Variants in ZC3H12C observed in about 807,000 individuals in gnomAD.
ZC3H12C encodes probable ribonuclease ZC3H12C.
ZC3H12C carries 20 observed loss-of-function variants against 76.3 expected under a neutral mutation model. The ratio of observed to expected loss-of-function variants is 0.26; its 90% confidence interval spans 0.18 to 0.38. ZC3H12C has a LOEUF of 0.38. Ranked by LOEUF, ZC3H12C falls within the 10% of genes least tolerant of loss-of-function variation. The pLI, the probability that ZC3H12C is intolerant of heterozygous loss-of-function variation, is 1.00. For missense variants in ZC3H12C, 874 were observed against 1,086.5 expected (o/e 0.80, Z 2.75); for synonymous variants, 352 against 399.6 (o/e 0.88, Z 1.42).
In ZC3H12C at chr11:110,165,079, T is replaced by G. The variant is rs774963504; in HGVS notation, c.1994T>G (p.Met665Arg). The change falls in exon 6 of 6, where the codon ATG becomes AGG. Residue 665 changes from methionine to arginine, a missense_variant. By Grantham distance (91) the Met-to-Arg change is moderately conservative. Coordinates refer to ENST00000278590, the MANE Select transcript of ZC3H12C (RefSeq NM_033390.2). ...QLEENLKCQH[M>R]HPHSRLNPQP... is the part of the protein sequence containing the mutation. ...GAGGAGAATTTGAAGTGTCAACACA[T>G]GCACCCTCACAGCCGCCTTAATCCT... 1.9e-6 allele frequency: 3 copies of G among 1,613,614 alleles called. No individual in the cohort carries two copies. The highest frequency in any genetic ancestry group is 1.1e-5 in the South Asian group (1 of 91,080).
intron 1 of ZC3H12C, among the ~76,000 whole-genome samples, chr11:110,102,813 G>A (rs1317670682): frequency 6.6e-6 from 1 of 152,274 alleles, no homozygotes; most frequent in East Asian, 1.9e-4. Context: ...ACCCTGATAA[G>A]TCAGCAGCCA....
chr11:110,162,586 T>C (rs1191054687), intron 4 of ZC3H12C, among the ~76,000 whole-genome samples: 1 of 152,236 alleles, frequency 6.6e-6, no homozygotes, highest in Admixed American at 6.5e-5. Context: ...CCATCCAAAA[T>C]AGTAGGTTTA....
At chr11:110,158,365 C>A (rs1233800280) in intron 3 of ZC3H12C, among the ~76,000 whole-genome samples, 1 of 152,042 alleles carries the variant, frequency 6.6e-6, no homozygotes, top group Non-Finnish European at 1.5e-5. Context: ...CAAAAATTAG[C>A]CAGGCGTGGT....
intron 4 of ZC3H12C, among the ~76,000 whole-genome samples, chr11:110,160,938 G>A (rs562662384): frequency 6.6e-6 from 1 of 151,996 alleles, no homozygotes; most frequent in East Asian, 1.9e-4. Context: ...CCAGGTTCAA[G>A]CAATTCTCAT....
intron 2 of ZC3H12C, among the ~76,000 whole-genome samples, chr11:110,139,964 T>G (rs558665543): frequency 6.6e-6 from 1 of 151,884 alleles, no homozygotes; most frequent in Non-Finnish European, 1.5e-5. Flanking sequence ...CAATGCTTTC[T>G]AGATTTTTCC....
intron 2 of ZC3H12C, among the ~76,000 whole-genome samples, chr11:110,145,867 C>T (rs531126796): frequency 5.9e-5 from 9 of 152,258 alleles, no homozygotes; most frequent in African/African-American, 1.9e-4. Flanking sequence ...AAATTAACAG[C>T]AGTAAGAAAC....
At chr11:110,138,631 C>T (rs992085156) in intron 2 of ZC3H12C, among the ~76,000 whole-genome samples, 1 of 151,534 alleles carries the variant, frequency 6.6e-6, no homozygotes, top group South Asian at 2.1e-4. Flanking sequence ...CATCTTGGCT[C>T]ACTGCAACCT....
chr11:110,162,213 A>G (rs950777714), intron 4 of ZC3H12C, among the ~76,000 whole-genome samples: 2 of 152,210 alleles, frequency 1.3e-5, no homozygotes, highest in Non-Finnish European at 2.9e-5. Context: ...GCAAAGTGTA[A>G]AATTGTATTT....
intron 1 of ZC3H12C, among the ~76,000 whole-genome samples, chr11:110,100,828 G>T (rs116548323): frequency 6.6e-6 from 1 of 152,082 alleles, no homozygotes; most frequent in Non-Finnish European, 1.5e-5. Context: ...ACTCTGTAAT[G>T]GCCTTAAGTG....
At chr11:110,153,188 T>C in intron 3 of ZC3H12C, 130 bp downstream of exon 3, 1 of 1,161,650 alleles carries the variant, frequency 8.6e-7, no homozygotes, top group Non-Finnish European at 1.2e-6. Context: ...ACGTTGTTTT[T>C]TGTTGTTGTT....
At chr11:110,140,892 C>T (rs898037558) in intron 2 of ZC3H12C, among the ~76,000 whole-genome samples, 1 of 152,078 alleles carries the variant, frequency 6.6e-6, no homozygotes, top group Non-Finnish European at 1.5e-5. Flanking sequence ...TAGGAAAAAT[C>T]ACTCTATAGG....
intron 1 of ZC3H12C, among the ~76,000 whole-genome samples, chr11:110,127,621 G>A (rs1183664866): frequency 3.3e-5 from 5 of 152,102 alleles, no homozygotes; most frequent in Non-Finnish European, 4.4e-5. Context: ...TAGGCTGGGT[G>A]TGGTGGCTCA....
chr11:110,112,622 G>C (rs1228341956), intron 1 of ZC3H12C, among the ~76,000 whole-genome samples: 2 of 152,192 alleles, frequency 1.3e-5, no homozygotes, highest in African/African-American at 2.4e-5. Context: ...AGGTAGAAGA[G>C]CCACAGAAGT....
intron 2 of ZC3H12C, among the ~76,000 whole-genome samples, chr11:110,142,572 C>T (rs1372692571): frequency 6.6e-6 from 1 of 152,116 alleles, no homozygotes; most frequent in Admixed American, 6.5e-5. Context: ...TTTTTCCTTT[C>T]CTTTTTCCTT....
At chr11:110,104,896 C>G (rs1451861240) in intron 1 of ZC3H12C, among the ~76,000 whole-genome samples, 1 of 152,138 alleles carries the variant, frequency 6.6e-6, no homozygotes, top group Non-Finnish European at 1.5e-5. Flanking sequence ...TAGTTGTGTT[C>G]TGAGTAATTG....
At chr11:110,095,373 A>T (rs1378437335) in intron 1 of ZC3H12C, among the ~76,000 whole-genome samples, 1 of 152,230 alleles carries the variant, frequency 6.6e-6, no homozygotes, top group Non-Finnish European at 1.5e-5. Flanking sequence ...CAGACGTAAA[A>T]ATGTTGCTGT....
chr11:110,112,485 C>G (rs1252441881), intron 1 of ZC3H12C, among the ~76,000 whole-genome samples: 1 of 152,162 alleles, frequency 6.6e-6, no homozygotes, highest in Non-Finnish European at 1.5e-5. Flanking sequence ...GCCACCACAC[C>G]CGATCCCTTT....
At chr11:110,112,805 T>C (rs1861457191) in intron 1 of ZC3H12C, among the ~76,000 whole-genome samples, 1 of 152,204 alleles carries the variant, frequency 6.6e-6, no homozygotes, top group Non-Finnish European at 1.5e-5. Flanking sequence ...GGAAAGCCAA[T>C]GGTTGCCTGA....
intron 1 of ZC3H12C, among the ~76,000 whole-genome samples, chr11:110,111,162 G>C (rs1334966767): frequency 6.6e-6 from 1 of 152,130 alleles, no homozygotes; most frequent in Non-Finnish European, 1.5e-5. Context: ...TGTGCTACCA[G>C]GTGCTGAGTC....
Sources: allele counts gnomAD v4.1 joint callset (sites outside exome capture counted in the v4.1 genomes callset), GRCh38; gene constraint gnomAD v4.1.1; transcripts MANE v1.5; gene names NCBI Gene and HGNC (gene_info 2026-07-23, HGNC 2026-07-21).